GSK3B: variants seen among roughly 807,000 people sequenced by gnomAD.
GSK3B encodes the protein glycogen synthase kinase 3 beta.
Under a neutral mutation model 56.4 loss-of-function variants are expected in GSK3B, and 15 were observed. That is an observed-to-expected ratio of 0.27 (90% CI 0.18 to 0.41). GSK3B has a LOEUF of 0.41. Ranked by LOEUF, GSK3B falls within the 10% of genes least tolerant of loss-of-function variation. The probability of loss-of-function intolerance (pLI) is 1.00; values close to 1 mark genes in which losing one functional copy is unlikely to be tolerated. For missense variants in GSK3B, 300 were observed against 513.4 expected (o/e 0.58, Z 4.02); for synonymous variants, 181 against 188.9 (o/e 0.96, Z 0.34).
intron 2 of GSK3B, among the ~76,000 whole-genome samples, chr3:119,982,265 G>A (rs1252847937): frequency 6.6e-6 from 1 of 152,186 alleles, no homozygotes; most frequent in East Asian, 1.9e-4. Context: ...GAGAACCAGA[G>A]CAGAAAAGCT....
At chr3:119,899,826 TAATTC>T (rs1380591203) in intron 7 of GSK3B, among the ~76,000 whole-genome samples, 2 of 152,146 alleles carry the variant, frequency 1.3e-5, no homozygotes, top group Non-Finnish European at 2.9e-5. Context: ...CCCCTTCCCT[TAATTC>T]TATTCTCCAT....
intron 8 of GSK3B, among the ~76,000 whole-genome samples, chr3:119,865,464 A>T (rs1368722670): frequency 0.019 from 537 of 28,426 alleles, 3 homozygotes; most frequent in South Asian, 0.032. Flanking sequence ...ATATATATAT[A>T]TATTTTTTTT....
intron 7 of GSK3B, among the ~76,000 whole-genome samples, chr3:119,876,987 T>A (rs2056322377): frequency 6.6e-6 from 1 of 152,162 alleles, no homozygotes; most frequent in Admixed American, 6.5e-5. Flanking sequence ...TATTATCCAG[T>A]CTTTGGTATT....
chr3:120,004,735 C>T (rs781032875), intron 1 of GSK3B, among the ~76,000 whole-genome samples: 4 of 152,180 alleles, frequency 2.6e-5, no homozygotes, highest in African/African-American at 4.8e-5. Context: ...TCAACATCAA[C>T]ACAAAGGACA....
intron 1 of GSK3B, among the ~76,000 whole-genome samples, chr3:120,053,697 G>A (rs183106066): frequency 7.2e-4 from 110 of 152,264 alleles, no homozygotes; most frequent in African/African-American, 2.6e-3. Context: ...TACGTGTTGT[G>A]GGAGGGACCC....
At chr3:120,029,302 A>C in intron 1 of GSK3B, 3 of 743,058 alleles carry the variant, frequency 4.0e-6, no homozygotes, top group South Asian at 2.7e-5. Context: ...CCTTCTCTGC[A>C]GCGGACAATG....
chr3:119,957,991 C>T (rs906369173), intron 2 of GSK3B, among the ~76,000 whole-genome samples: 15 of 152,212 alleles, frequency 9.9e-5, no homozygotes, highest in Admixed American at 7.8e-4. Context: ...AATCTCATCT[C>T]GAACTGTAAT....
intron 3 of GSK3B, among the ~76,000 whole-genome samples, chr3:119,933,146 C>T (rs1232761821): frequency 6.6e-6 from 1 of 151,886 alleles, no homozygotes; most frequent in Non-Finnish European, 1.5e-5. Context: ...TAAAAATGGC[C>T]AACAAAACTG....
chr3:120,070,548 G>GA (rs551103328), intron 1 of GSK3B, among the ~76,000 whole-genome samples: 2,687 of 132,984 alleles, frequency 0.02, 66 homozygotes, highest in African/African-American at 0.061. Flanking sequence ...TACAATGTCA[G>GA]AAAAAAAAAA....
At chr3:119,880,649 T>C (rs1002595939) in intron 7 of GSK3B, among the ~76,000 whole-genome samples, 1 of 152,182 alleles carries the variant, frequency 6.6e-6, no homozygotes, top group African/African-American at 2.4e-5. Flanking sequence ...TAACTGTGTA[T>C]AAGGTAATTT....
intron 1 of GSK3B, among the ~76,000 whole-genome samples, chr3:120,090,625 C>T (rs2058503750): frequency 6.6e-6 from 1 of 152,250 alleles, no homozygotes; most frequent in South Asian, 2.1e-4. Flanking sequence ...GTCTCTCAAA[C>T]CTGTTCCTTT....
chr3:120,043,544 T>A (rs2058080103), intron 1 of GSK3B, among the ~76,000 whole-genome samples: 2 of 152,182 alleles, frequency 1.3e-5, no homozygotes. Flanking sequence ...ATCTTGCTCA[T>A]GGCAGGGGTA....
At chr3:119,827,168 G>A (rs980562735) in intron 10 of GSK3B, among the ~76,000 whole-genome samples, 2 of 152,176 alleles carry the variant, frequency 1.3e-5, no homozygotes, top group Non-Finnish European at 2.9e-5. Flanking sequence ...CTCAGCTGGA[G>A]TCTAGTTCAC....
rs568953240 is a variant in GSK3B at position 119,888,506 on chromosome 3, T to C, written c.814-11998A>G. Among the ~76,000 whole-genome samples, 453 of 152,282 alleles carry C rather than the reference T, an allele frequency of 3.0e-3. 2 individuals carry two copies. Among genetic ancestry groups the C allele is most frequent in the Non-Finnish European group, 4.1e-3 (281 of 68,006 alleles). On this transcript the variant is annotated intron_variant, in intron 7 of 10. Transcript: ENST00000264235. ...TTTTACTTTAATCTCTTAATCCTGT[T>C]ATCTTCATAAGCTGAGGATGTACGT...
chr3:119,995,699 C>T (rs1425762873), intron 2 of GSK3B, among the ~76,000 whole-genome samples: 1 of 149,910 alleles, frequency 6.7e-6, no homozygotes, highest in African/African-American at 2.5e-5. Context: ...GCTGGGATTA[C>T]AGGCATGAGC....
At chr3:120,051,587 C>G (rs1163008492) in intron 1 of GSK3B, among the ~76,000 whole-genome samples, 4 of 151,840 alleles carry the variant, frequency 2.6e-5, no homozygotes, top group Non-Finnish European at 4.4e-5. Context: ...GCCAACATGG[C>G]AAAACCCCAT....
At chr3:119,958,150 C>T (rs1345545676) in intron 2 of GSK3B, among the ~76,000 whole-genome samples, 2 of 152,082 alleles carry the variant, frequency 1.3e-5, no homozygotes, top group South Asian at 2.1e-4. Flanking sequence ...TTCTCCTGCA[C>T]GATGACTCTC....
intron 1 of GSK3B, among the ~76,000 whole-genome samples, chr3:120,033,376 G>C (rs2057994284): frequency 6.6e-6 from 1 of 152,134 alleles, no homozygotes. Context: ...AACTCTATGT[G>C]TGTATTTTAA....
chr3:120,086,217 G>A (rs1310185904), intron 1 of GSK3B, among the ~76,000 whole-genome samples: 1 of 150,784 alleles, frequency 6.6e-6, no homozygotes, highest in African/African-American at 2.4e-5. Context: ...AACAGAAATA[G>A]TAAGACAACA....
Sources: gnomAD v4.1 joint callset for allele counts (sites outside exome capture counted in the v4.1 genomes callset) on GRCh38, gnomAD v4.1.1 for gene constraint, MANE v1.5 for transcripts, NCBI Gene and HGNC (gene_info 2026-07-23, HGNC 2026-07-21) for gene names.